Variants in DLG2 observed in about 807,000 individuals in gnomAD.
DLG2 encodes the protein disks large homolog 2.
DLG2 carries 45 observed loss-of-function variants against 132.5 expected under a neutral mutation model. The observed-to-expected ratio is 0.34, with a 90% CI of 0.27 to 0.44. The LOEUF is 0.44. Ranked by LOEUF, DLG2 falls within the 20% of genes least tolerant of loss-of-function variation. The pLI is 1.00. For synonymous variants in DLG2, 424 were observed against 419.6 expected (o/e 1.01, Z -0.13); for missense variants, 1,045 against 1,196.9 (o/e 0.87, Z 1.87).
chr11:83,868,355 T>C (rs189717059), intron 16 of DLG2, among the ~76,000 whole-genome samples: 3 of 152,232 alleles, frequency 2.0e-5, no homozygotes, highest in Admixed American at 1.3e-4. Context: ...GTCACAAACA[T>C]AAATCTTTTT....
chr11:83,661,794 G>T (rs1247304466), intron 18 of DLG2, among the ~76,000 whole-genome samples: 1 of 152,102 alleles, frequency 6.6e-6, no homozygotes, highest in Non-Finnish European at 1.5e-5. Context: ...TTACACTTCC[G>T]ACTCAAGACA....
chr11:84,256,236 T>C (rs545633735), intron 7 of DLG2, among the ~76,000 whole-genome samples: 2 of 152,322 alleles, frequency 1.3e-5, no homozygotes, highest in East Asian at 3.9e-4. Context: ...GGTTACCTTT[T>C]GATATGTGTT....
chr11:84,754,147 G>T (rs1176166088), intron 6 of DLG2, among the ~76,000 whole-genome samples: 1 of 152,094 alleles, frequency 6.6e-6, no homozygotes, highest in African/African-American at 2.4e-5. Context: ...ATATGGGAAA[G>T]GGTAAAAGAA....
intron 3 of DLG2, among the ~76,000 whole-genome samples, chr11:85,442,147 A>T (rs368355678): frequency 6.6e-6 from 1 of 152,256 alleles, no homozygotes; most frequent in Non-Finnish European, 1.5e-5. Flanking sequence ...TTTACAGAAC[A>T]TGTCAAAAGA....
At chr11:83,780,397 A>C (rs563055178) in intron 18 of DLG2, among the ~76,000 whole-genome samples, 1 of 152,322 alleles carries the variant, frequency 6.6e-6, no homozygotes, top group African/African-American at 2.4e-5. Context: ...TGCTGAAAAG[A>C]ATAGTTTTCC....
At chr11:85,322,896 C>T (rs747904384) in intron 3 of DLG2, among the ~76,000 whole-genome samples, 5 of 152,170 alleles carry the variant, frequency 3.3e-5, no homozygotes, top group Non-Finnish European at 5.9e-5. Context: ...TGCACTACCA[C>T]AAGAGCCTAT....
intron 3 of DLG2, among the ~76,000 whole-genome samples, chr11:85,402,884 A>G (rs1220540223): frequency 6.6e-6 from 1 of 152,188 alleles, no homozygotes; most frequent in Non-Finnish European, 1.5e-5. Context: ...ATGCTTTTAC[A>G]CTGTTGTTGG....
chr11:84,966,015 A>T (rs2053268253), intron 6 of DLG2, among the ~76,000 whole-genome samples: 1 of 152,038 alleles, frequency 6.6e-6, no homozygotes, highest in Non-Finnish European at 1.5e-5. Context: ...TTGGAGAAAG[A>T]TTAGTTTGCT....
intron 6 of DLG2, among the ~76,000 whole-genome samples, chr11:84,799,593 T>A (rs947952265): frequency 6.6e-6 from 1 of 152,264 alleles, no homozygotes; most frequent in African/African-American, 2.4e-5. Flanking sequence ...TCTTTTCTGC[T>A]GTCTTTCTCC....
At chr11:84,199,964 T>C (rs2096570530) in intron 8 of DLG2, among the ~76,000 whole-genome samples, 1 of 151,876 alleles carries the variant, frequency 6.6e-6, no homozygotes, top group South Asian at 2.1e-4. Context: ...AGAGGATAAA[T>C]ATATGGAAAA....
chr11:84,373,640 A>G (rs78249800), intron 7 of DLG2, among the ~76,000 whole-genome samples: 8,887 of 152,192 alleles, frequency 0.058, 895 homozygotes, highest in African/African-American at 0.2. Flanking sequence ...ATGACTAGTG[A>G]AGGAGGAAAC....
intron 3 of DLG2, among the ~76,000 whole-genome samples, chr11:85,437,904 G>C (rs2091577975): frequency 6.6e-6 from 1 of 152,132 alleles, no homozygotes. Context: ...TAAACACATA[G>C]AGAACAATAC....
At chr11:83,461,093 C>G (rs1371831092) in intron 27 of DLG2, among the ~76,000 whole-genome samples, 2 of 150,194 alleles carry the variant, frequency 1.3e-5, no homozygotes, top group Admixed American at 6.6e-5. Context: ...ACTGCGACCT[C>G]CACCTCCTGG....
At chr11:85,562,391 T>G (rs764716891) in intron 3 of DLG2, among the ~76,000 whole-genome samples, 1 of 151,796 alleles carries the variant, frequency 6.6e-6, no homozygotes, top group Non-Finnish European at 1.5e-5. Flanking sequence ...CCATTTGTAT[T>G]GACCATTCGA....
intron 6 of DLG2, among the ~76,000 whole-genome samples, chr11:84,717,492 T>A (rs2061359844): frequency 6.6e-6 from 1 of 152,030 alleles, no homozygotes; most frequent in South Asian, 2.1e-4. Context: ...TGTGTAGAAT[T>A]TCTAGTGTGG....
chr11:85,470,038 C>A (rs543546068), intron 3 of DLG2, among the ~76,000 whole-genome samples: 1 of 152,152 alleles, frequency 6.6e-6, no homozygotes, highest in African/African-American at 2.4e-5. Flanking sequence ...ACTATTATCC[C>A]CATCACTCAC....
intron 6 of DLG2, among the ~76,000 whole-genome samples, chr11:84,785,152 T>A (rs971200373): frequency 1.3e-5 from 2 of 151,688 alleles, no homozygotes; most frequent in Admixed American, 6.6e-5. Context: ...CAAGGCTATA[T>A]ATGGTTTGCA....
chr11:85,578,487 A>G (rs192124072), intron 3 of DLG2, among the ~76,000 whole-genome samples: 1 of 152,162 alleles, frequency 6.6e-6, no homozygotes, highest in Non-Finnish European at 1.5e-5. Flanking sequence ...TTTGCAAACT[A>G]TGCATCTAAC....
intron 3 of DLG2, among the ~76,000 whole-genome samples, chr11:85,418,861 C>T (rs1331471120): frequency 6.6e-6 from 1 of 152,172 alleles, no homozygotes; most frequent in Non-Finnish European, 1.5e-5. Context: ...ATACAGCACA[C>T]TGATGGGTCT....
Sources: gnomAD v4.1 joint callset for allele counts (sites outside exome capture counted in the v4.1 genomes callset) on GRCh38, gnomAD v4.1.1 for gene constraint, MANE v1.5 for transcripts, NCBI Gene and HGNC (gene_info 2026-07-23, HGNC 2026-07-21) for gene names.